Variants in SMR3B observed in about 807,000 individuals in gnomAD.
SMR3B encodes the protein submaxillary gland androgen-regulated protein 3B.
For missense variants in SMR3B, 114 were observed against 99.9 expected (o/e 1.14, Z -0.60); for synonymous variants, 42 against 36.1 (o/e 1.16, Z -0.59).
intron 1 of SMR3B, 78 bp from the exon 2 acceptor site, chr4:70,384,419 T>A (rs569950056): frequency 1.3e-6 from 2 of 1,594,850 alleles, no homozygotes; most frequent in Admixed American, 1.8e-5. Context: ...TTACATTATA[T>A]CCAAGTGTTG....
intron 1 of SMR3B, 28 bp downstream of exon 1, chr4:70,383,240 A>G (rs2109759437): frequency 6.6e-6 from 1 of 152,194 alleles, no homozygotes; most frequent in South Asian, 2.1e-4. Flanking sequence ...TAAACTGAAT[A>G]TTTTTACTTT....
At chr4:70,386,587 C>T (rs985716371) in intron 2 of SMR3B, among the ~76,000 whole-genome samples, 2 of 152,050 alleles carry the variant, frequency 1.3e-5, no homozygotes, top group African/African-American at 2.4e-5. Flanking sequence ...TATAGTCCTT[C>T]GAGAGCGTAG....
At chr4:70,388,142 CCTT>C (rs1328280809) in intron 2 of SMR3B, among the ~76,000 whole-genome samples, 7 of 152,164 alleles carry the variant, frequency 4.6e-5, no homozygotes, top group African/African-American at 1.7e-4. Flanking sequence ...CATGTTCTCT[CCTT>C]ATTTTATATT....
intron 2 of SMR3B, among the ~76,000 whole-genome samples, chr4:70,389,416 T>C (rs1461388347): frequency 6.6e-6 from 1 of 152,154 alleles, no homozygotes; most frequent in African/African-American, 2.4e-5. Context: ...CCCCACAACA[T>C]GGCATCTTGA....
In SMR3B at chr4:70,390,154, G is replaced by A. The variant is rs1254357311; in HGVS notation, c.*306G>A. The A allele has an allele frequency of 1.5e-6, 1 of 660,562 alleles. No individual in the cohort carries two copies. Among genetic ancestry groups the A allele is most frequent in the African/African-American group, 1.8e-5 (1 of 55,070 alleles). The allele number at this position is 660,562 out of a possible 1,614,324, so 40.9% of individuals were successfully genotyped here. On this transcript the variant is annotated 3_prime_UTR_variant, in exon 3 of 3. Transcript: ENST00000304915. ...AAATTCCAAAAGTGCTGAGCTTTGG[G>A]GAGAAATAATCTTAGAAAGAAATTG...
At chr4:70,384,106 A>T (rs1224996251) in intron 1 of SMR3B, among the ~76,000 whole-genome samples, 1 of 152,054 alleles carries the variant, frequency 6.6e-6, no homozygotes, top group Non-Finnish European at 1.5e-5. Context: ...ACCCATCCAT[A>T]GAAATCTATA....
Position 70,384,488 on chromosome 4 carries a change from T to C in SMR3B, c.-14-9T>C, listed in dbSNP as rs1282247698. 6.3e-7 allele frequency: 1 copy of C among 1,596,178 alleles called. No individual in the cohort carries two copies. Among genetic ancestry groups the C allele is most frequent in the South Asian group, 1.1e-5 (1 of 87,288 alleles). ...AATCATACTGATCACCTATTGTGCTTACTTTCAGAGGCAACTGAAAGGATG... is the reference window on the plus strand; with the variant it reads ...AATCATACTGATCACCTATTGTGCTCACTTTCAGAGGCAACTGAAAGGATG... On this transcript the variant is annotated splice_polypyrimidine_tract_variant and intron_variant, in intron 1 of 2. Transcript: ENST00000304915.
intron 2 of SMR3B, 175 bp downstream of exon 2, chr4:70,384,739 CAT>C (rs35369338): frequency 0.13 from 163,353 of 1,300,548 alleles, 11,262 homozygotes; most frequent in Non-Finnish European, 0.14. Flanking sequence ...AATAACCACA[CAT>C]GTCTGATGGC....
chr4:70,388,313 A>G (rs925528996), intron 2 of SMR3B, among the ~76,000 whole-genome samples: 1 of 151,742 alleles, frequency 6.6e-6, no homozygotes, highest in African/African-American at 2.4e-5. Flanking sequence ...GAATTTTGCT[A>G]CATTGTCCAA....
At chr4:70,384,416 A>G in intron 1 of SMR3B, 81 bp from the exon 2 acceptor site, 4 of 1,592,672 alleles carry the variant, frequency 2.5e-6, no homozygotes, top group Non-Finnish European at 3.4e-6. Context: ...GTATTACATT[A>G]TATCCAAGTG....
intron 2 of SMR3B, among the ~76,000 whole-genome samples, chr4:70,387,138 G>A (rs1732679548): frequency 6.6e-6 from 1 of 152,168 alleles, no homozygotes; most frequent in Non-Finnish European, 1.5e-5. Context: ...AAGGAAAGAG[G>A]TGACAAGAAA....
intron 2 of SMR3B, among the ~76,000 whole-genome samples, chr4:70,388,533 G>T (rs1467300745): frequency 2.6e-5 from 4 of 151,938 alleles, no homozygotes; most frequent in Non-Finnish European, 5.9e-5. Flanking sequence ...ACAGGAGGTG[G>T]GTCCTTTTAT....
chr4:70,390,191 C>T lies in SMR3B; in HGVS notation c.*343C>T, dbSNP rs1348467216. 8.5e-6 allele frequency: 5 copies of T among 587,684 alleles called. No homozygotes were observed. The highest frequency in any genetic ancestry group is 3.7e-5 in the African/African-American group (2 of 53,510). The allele number at this position is 587,684 out of a possible 1,614,324, so 36.4% of individuals were successfully genotyped here. The stretch of plus-strand genomic sequence containing the variant: ...TTAGAAAGAAATTGTAGAAAAAACC[C>T]ATGCAGACATAACATTTATACCAAT... On this transcript the variant is annotated 3_prime_UTR_variant, in exon 3 of 3. Transcript: ENST00000304915.
In SMR3B at chr4:70,389,983, A is replaced by G; in HGVS notation, c.*135A>G. ...CCCTCCCTACTCCTGCACCCCAAAT[A>G]TGAACAACTGCAGCAGGTGCCACCA... On this transcript the variant is annotated 3_prime_UTR_variant, in exon 3 of 3. Transcript: ENST00000304915. 6.5e-7 allele frequency: 1 copy of G among 1,536,982 alleles called. No individual in the cohort carries two copies. The highest frequency in any genetic ancestry group is 1.7e-4 in the Middle Eastern group (1 of 5,892).
rs1189086351 is a variant in SMR3B, at chr4:70,389,850, G to C, written c.*2G>C. The C allele has an allele frequency of 5.0e-6, 8 of 1,612,976 alleles. No individual in the cohort carries two copies. The highest frequency in any genetic ancestry group is 6.8e-6 in the Non-Finnish European group (8 of 1,179,586). ...CCACCACCCCCTCCTCAACCCTAAGGTCCACCACTCCATCCTGATGCCCCA... is the reference window on the plus strand; with the variant it reads ...CCACCACCCCCTCCTCAACCCTAAGCTCCACCACTCCATCCTGATGCCCCA... On this transcript the variant is annotated 3_prime_UTR_variant, in exon 3 of 3. Transcript: ENST00000304915.
chr4:70,385,427 A>G (rs1179528447), intron 2 of SMR3B, among the ~76,000 whole-genome samples: 4 of 120,452 alleles, frequency 3.3e-5, no homozygotes, highest in Admixed American at 8.5e-5. Flanking sequence ...TTTTTGAAAC[A>G]GACTCTCGCT....
chr4:70,386,731 C>T (rs6835194), intron 2 of SMR3B, among the ~76,000 whole-genome samples: 106,624 of 152,108 alleles, frequency 0.7, 37,691 homozygotes, highest in African/African-American at 0.77. Flanking sequence ...TTAAGATCAA[C>T]ATCAGGATAT....
chr4:70,389,624 A>C (rs1276044237), intron 2 of SMR3B, 39 bp from the exon 3 acceptor site: 6 of 1,588,578 alleles, frequency 3.8e-6, no homozygotes, highest in Non-Finnish European at 5.2e-6. Flanking sequence ...TTAACTGTGA[A>C]ATATCTGATT....
intron 2 of SMR3B, among the ~76,000 whole-genome samples, chr4:70,385,398 G>GTTTTTTTTTTTTTTTTTTTTTTTTTT: frequency 9.3e-6 from 1 of 107,056 alleles, no homozygotes; most frequent in Non-Finnish European, 1.8e-5. Context: ...CATCTACTTT[G>GTTTTTTTTTTTTTTTTTTTTTTTTTT]TTTTTTTTTT....
Sources: allele counts gnomAD v4.1 joint callset (sites outside exome capture counted in the v4.1 genomes callset), GRCh38; gene constraint gnomAD v4.1.1; transcripts MANE v1.5; gene names NCBI Gene and HGNC (gene_info 2026-07-23, HGNC 2026-07-21).